Variants in MYO5A observed in about 807,000 individuals in gnomAD.
The protein encoded by MYO5A is myosin VA.
A neutral mutation model predicts 249.7 loss-of-function variants in MYO5A; 98 were observed. The ratio of observed to expected loss-of-function variants is 0.39; its 90% confidence interval spans 0.33 to 0.46. MYO5A has a LOEUF of 0.46. MYO5A is among the 20% of genes least tolerant of loss of function. MYO5A has a pLI of 0.98. For missense variants in MYO5A, 1,696 were observed against 2,308.8 expected, an observed-to-expected ratio of 0.73 and a Z score of 5.44; for synonymous variants, 778 against 810.6, an observed-to-expected ratio of 0.96 and a Z score of 0.68.
intron 35 of MYO5A, among the ~76,000 whole-genome samples, chr15:52,329,905 ATTTTTTTTT>A (rs58058940): frequency 4.6e-4 from 55 of 119,724 alleles, no homozygotes; most frequent in East Asian, 4.2e-3. Flanking sequence ...CGCCTGGGTA[ATTTTTTTTT>A]TTTTTTTTTT....
intron 9 of MYO5A, among the ~76,000 whole-genome samples, chr15:52,401,875 A>T (rs991543668): frequency 6.6e-6 from 1 of 152,210 alleles, no homozygotes; most frequent in African/African-American, 2.4e-5. Context: ...CATTTTGGAC[A>T]ATTTCTTCAC....
intron 24 of MYO5A, among the ~76,000 whole-genome samples, chr15:52,363,965 G>A (rs1016714439): frequency 7.9e-5 from 12 of 152,164 alleles, no homozygotes; most frequent in African/African-American, 2.4e-4. Context: ...CTGGCCGGGC[G>A]CAATGGCTCA....
intron 1 of MYO5A, among the ~76,000 whole-genome samples, chr15:52,474,091 G>A (rs1425907623): frequency 6.6e-6 from 1 of 152,144 alleles, no homozygotes; most frequent in Non-Finnish European, 1.5e-5. Flanking sequence ...AGTTCTCCTT[G>A]AAGAGGTCCT....
intron 1 of MYO5A, among the ~76,000 whole-genome samples, chr15:52,448,551 G>A (rs1338561140): frequency 1.3e-5 from 2 of 152,162 alleles, no homozygotes; most frequent in African/African-American, 4.8e-5. Flanking sequence ...TTTGCAATGT[G>A]AGGACATAAG....
chr15:52,436,901 C>T (rs2075675979), intron 1 of MYO5A, among the ~76,000 whole-genome samples: 2 of 152,176 alleles, frequency 1.3e-5, no homozygotes, highest in Admixed American at 1.3e-4. Context: ...CTCCCAGGGC[C>T]ACCAGATGGG....
At chr15:52,367,173 C>A in intron 22 of MYO5A, 49 bp from the exon 23 acceptor site, 1 of 1,485,586 alleles carries the variant, frequency 6.7e-7, no homozygotes, top group Non-Finnish European at 9.4e-7. Context: ...ACAGAGGAAG[C>A]CTGATGACCA....
intron 24 of MYO5A, among the ~76,000 whole-genome samples, chr15:52,363,989 A>G (rs1443483233): frequency 2.6e-5 from 4 of 152,250 alleles, no homozygotes; most frequent in Non-Finnish European, 5.9e-5. Flanking sequence ...CTGTAATCCC[A>G]GCACTTTGGG....
At chr15:52,358,761 G>T (rs1295394634) in intron 25 of MYO5A, among the ~76,000 whole-genome samples, 1 of 151,396 alleles carries the variant, frequency 6.6e-6, no homozygotes, top group Admixed American at 6.6e-5. Flanking sequence ...AAATCCCACA[G>T]AATTATGAGT....
At chr15:52,389,978 T>TC in intron 12 of MYO5A, among the ~76,000 whole-genome samples, 1 of 151,948 alleles carries the variant, frequency 6.6e-6, no homozygotes, top group Middle Eastern at 3.4e-3. Flanking sequence ...CAAAAAAGCC[T>TC]CCCAAGTTAA....
chr15:52,422,255 C>T (rs11855884), intron 4 of MYO5A, among the ~76,000 whole-genome samples: 22,672 of 152,210 alleles, frequency 0.15, 1,809 homozygotes, highest in Middle Eastern at 0.22. Flanking sequence ...AAGGATCCAG[C>T]TCAAGGATCC....
chr15:52,357,452 C>CAAAA (rs35645503), intron 25 of MYO5A, among the ~76,000 whole-genome samples: 15 of 93,714 alleles, frequency 1.6e-4, no homozygotes, highest in African/African-American at 4.5e-4. Context: ...CTAGAACTAG[C>CAAAA]AAAAAAAAAA....
intron 1 of MYO5A, among the ~76,000 whole-genome samples, chr15:52,509,114 G>C (rs1318614330): frequency 6.6e-6 from 1 of 151,940 alleles, no homozygotes; most frequent in Non-Finnish European, 1.5e-5. Context: ...TGGGACTATG[G>C]GCATGTGCCA....
intron 8 of MYO5A, 107 bp from the exon 9 acceptor site, chr15:52,405,500 T>C (rs921401458): frequency 7.4e-6 from 6 of 815,124 alleles, no homozygotes; most frequent in Non-Finnish European, 1.2e-5. Context: ...TTGCCAGATG[T>C]TGTGCATATT....
At chr15:52,321,792 T>TAG (rs2038328419) in intron 37 of MYO5A, among the ~76,000 whole-genome samples, 1 of 92,842 alleles carries the variant, frequency 1.1e-5, no homozygotes, top group African/African-American at 4.1e-5. Flanking sequence ...GGAACTTAAC[T>TAG]AAAAAAAAAA....
In MYO5A at chr15:52,364,685, A is replaced by T. The variant is rs2040724317; in HGVS notation, c.3178T>A (p.Leu1060Ile). 1 of 1,613,770 alleles carries T rather than the reference A, an allele frequency of 6.2e-7. No homozygotes were observed. ...KEMTETMEKKLVEETKQLELD... is the reference protein window; with the variant it reads ...KEMTETMEKKIVEETKQLELD... ...TCCAGTTGTTTCGTTTCTTCTACTA[A>T]CTTCTTCTCCATAGTTTCTGAAATT... Residue 1060 changes from leucine to isoleucine, a missense_variant, in exon 24 of 42, where the codon TTA becomes ATA. By Grantham distance (5) the Leu-to-Ile change is conservative. This residue lies in a region of MYO5A where 412 missense variants were observed against 453.3 expected (regional missense o/e 0.91). Transcript: ENST00000399233.
intron 1 of MYO5A, among the ~76,000 whole-genome samples, chr15:52,518,774 GTGTT>G (rs1338947170): frequency 6.6e-6 from 1 of 152,146 alleles, no homozygotes; most frequent in Non-Finnish European, 1.5e-5. Context: ...TAACACAAAA[GTGTT>G]TGTTTGAAAC....
At chr15:52,330,523 G>A (rs747958888) in intron 34 of MYO5A, 24 bp from the exon 35 acceptor site, 54 of 1,613,582 alleles carry the variant, frequency 3.3e-5, no homozygotes, top group Middle Eastern at 1.6e-4. Context: ...AAGAAAGGAG[G>A]AGAAAATGTT....
chr15:52,528,729 G>T, intron 1 of MYO5A, 51 bp downstream of exon 1: 2 of 1,485,226 alleles, frequency 1.3e-6, no homozygotes, highest in East Asian at 2.9e-5. Flanking sequence ...GACAGCTGGC[G>T]GCGAGGGCCG....
chr15:52,487,314 G>A (rs1466276934), intron 1 of MYO5A, among the ~76,000 whole-genome samples: 1 of 152,128 alleles, frequency 6.6e-6, no homozygotes, highest in Non-Finnish European at 1.5e-5. Context: ...TACTCAGGGG[G>A]CTGAGGTGGG....
Sources: gnomAD v4.1 joint callset for allele counts (sites outside exome capture counted in the v4.1 genomes callset) on GRCh38, gnomAD v4.1.1 for gene constraint, gnomAD v4.1.1 regional missense constraint, MANE v1.5 for transcripts, NCBI Gene and HGNC (gene_info 2026-07-23, HGNC 2026-07-21) for gene names.